INSYN2B: variants seen among roughly 807,000 people sequenced by gnomAD.
INSYN2B encodes protein INSYN2B.
In INSYN2B, 16 loss-of-function variants were observed where a neutral mutation model predicts 41.2. That is an observed-to-expected ratio of 0.39 (90% CI 0.26 to 0.59). The LOEUF (loss-of-function observed/expected upper bound fraction) is 0.59, where lower values mean the gene tolerates loss of function less well. INSYN2B is among the 20% of genes least tolerant of loss of function. The probability of loss-of-function intolerance (pLI) is 0.57; values close to 1 mark genes in which losing one functional copy is unlikely to be tolerated. For missense variants in INSYN2B, 608 were observed against 646.4 expected, an observed-to-expected ratio of 0.94 and a Z score of 0.64; for synonymous variants, 245 against 244.4, an observed-to-expected ratio of 1.00 and a Z score of -0.02.
At chr5:169,904,091 C>CAA (rs57983281) in intron 1 of INSYN2B, among the ~76,000 whole-genome samples, 19,584 of 70,016 alleles carry the variant, frequency 0.28, 3,283 homozygotes, top group African/African-American at 0.54. Flanking sequence ...GACTTCGTCT[C>CAA]AAAAAAAAAA....
chr5:169,875,646 AAC>A, intron 3 of INSYN2B: 1 of 189,492 alleles, frequency 5.3e-6, no homozygotes, highest in South Asian at 9.5e-5. Flanking sequence ...CTTCCTGAGC[AAC>A]AGTTCCTTCA....
At chr5:169,943,224 A>G (rs1029233482) in intron 1 of INSYN2B, among the ~76,000 whole-genome samples, 7 of 152,112 alleles carry the variant, frequency 4.6e-5, no homozygotes, top group Admixed American at 1.3e-4. Flanking sequence ...AATTGGATGA[A>G]TAGGTTTTAA....
At chr5:169,933,221 G>A (rs1775838355) in intron 1 of INSYN2B, among the ~76,000 whole-genome samples, 1 of 152,222 alleles carries the variant, frequency 6.6e-6, no homozygotes, top group Non-Finnish European at 1.5e-5. Context: ...TGGAAATCAG[G>A]TTCTGTTTAC....
At chr5:169,885,696 C>T (rs1772931226) in intron 1 of INSYN2B, among the ~76,000 whole-genome samples, 1 of 152,170 alleles carries the variant, frequency 6.6e-6, no homozygotes, top group Admixed American at 6.5e-5. Flanking sequence ...GTGACAGATG[C>T]TGTTCTAAGC....
chr5:169,910,412 G>A (rs780815275), intron 1 of INSYN2B, among the ~76,000 whole-genome samples: 16 of 152,156 alleles, frequency 1.1e-4, no homozygotes, highest in Non-Finnish European at 1.6e-4. Flanking sequence ...CCCCCTCAGT[G>A]CTGATTTATT....
At chr5:169,895,934 A>C (rs1046450033) in intron 1 of INSYN2B, among the ~76,000 whole-genome samples, 4 of 152,150 alleles carry the variant, frequency 2.6e-5, no homozygotes, top group African/African-American at 9.7e-5. Context: ...TCTGGCCTGG[A>C]GATGTCCCCG....
chr5:169,940,955 G>A (rs1028305048), intron 1 of INSYN2B, among the ~76,000 whole-genome samples: 7 of 152,202 alleles, frequency 4.6e-5, no homozygotes, highest in African/African-American at 1.7e-4. Flanking sequence ...TGCCGATAGT[G>A]CCATGGCTGA....
At chr5:169,876,668 G>A (rs1009313910) in intron 3 of INSYN2B, among the ~76,000 whole-genome samples, 10 of 152,156 alleles carry the variant, frequency 6.6e-5, no homozygotes, top group Non-Finnish European at 8.8e-5. Context: ...GGCAACCTAC[G>A]GGCTTACATT....
rs188669441 is a variant in INSYN2B at position 169,958,418 on chromosome 5, G to A, written c.-919+21859C>T. Among the ~76,000 whole-genome samples the A allele has an allele frequency of 3.9e-5, 6 of 152,206 alleles. No individual in the cohort carries two copies. The East Asian group carries it at 7.7e-4, about 20-fold the overall frequency. ...AGAAAATCTGCAAACTCCATCATCC[G>A]AATAACAGGGCTGATGGTTTAGAAT... On this transcript the variant is annotated intron_variant, in intron 1 of 3. Coordinates refer to ENST00000377365, the MANE Select transcript of INSYN2B (RefSeq NM_001129891.3).
chr5:169,882,967 G>T lies in INSYN2B; in HGVS notation c.932C>A (p.Ser311Tyr). Residue 311 changes from serine to tyrosine, a missense_variant, in exon 2 of 4, where the codon TCC (serine) becomes TAC (tyrosine). Ser to Tyr is a moderately radical substitution (Grantham distance 144). Coordinates refer to ENST00000377365, the MANE Select transcript of INSYN2B (RefSeq NM_001129891.3). ...CTGGCTGTGGGAGCCTTGTGAGGGG[G>T]AACTGTGAGTCCGTGGAGATGAAGG... ...CVPSSPRTHS[S>Y]PSQGSHSQPA... The T allele has an allele frequency of 1.3e-6, 2 of 1,551,624 alleles. No homozygotes were observed. Among genetic ancestry groups the T allele is most frequent in the Non-Finnish European group, 1.7e-6 (2 of 1,146,896 alleles).
chr5:169,935,320 T>C (rs899409673), intron 1 of INSYN2B, among the ~76,000 whole-genome samples: 26 of 152,316 alleles, frequency 1.7e-4, no homozygotes, highest in African/African-American at 5.8e-4. Flanking sequence ...TCATCTCCCA[T>C]GCCTGTGTAG....
chr5:169,942,448 A>G (rs1200554674), intron 1 of INSYN2B, among the ~76,000 whole-genome samples: 4 of 152,250 alleles, frequency 2.6e-5, no homozygotes, highest in African/African-American at 9.6e-5. Flanking sequence ...GCACTCGTCC[A>G]TGAGCCACAC....
At chr5:169,937,472 C>T (rs1016624649) in intron 1 of INSYN2B, among the ~76,000 whole-genome samples, 3 of 152,144 alleles carry the variant, frequency 2.0e-5, no homozygotes, top group African/African-American at 7.2e-5. Flanking sequence ...ATGCTGCACG[C>T]TTATCTGTGC....
intron 1 of INSYN2B, among the ~76,000 whole-genome samples, chr5:169,930,579 TA>T (rs1775703589): frequency 6.6e-6 from 1 of 152,212 alleles, no homozygotes; most frequent in Admixed American, 6.5e-5. Context: ...GAAAGTCCTT[TA>T]AAAATGAATG....
intron 1 of INSYN2B, among the ~76,000 whole-genome samples, chr5:169,910,417 T>A (rs954765229): frequency 4.6e-5 from 7 of 152,196 alleles, no homozygotes; most frequent in Admixed American, 2.0e-4. Flanking sequence ...TCAGTGCTGA[T>A]TTATTGCTTA....
chr5:169,934,138 G>A (rs959145779), intron 1 of INSYN2B, among the ~76,000 whole-genome samples: 2 of 152,206 alleles, frequency 1.3e-5, no homozygotes, highest in African/African-American at 4.8e-5. Context: ...GAGGCAGGGG[G>A]TTGAGTGTTC....
At chr5:169,872,495 G>T (rs896153693) in intron 3 of INSYN2B, among the ~76,000 whole-genome samples, 1 of 152,188 alleles carries the variant, frequency 6.6e-6, no homozygotes, top group African/African-American at 2.4e-5. Flanking sequence ...AAATTGGCAA[G>T]TCTACCCCTT....
At position 169,883,596 on chromosome 5, in the gene INSYN2B, G is replaced by T; in HGVS notation, c.303C>A (p.Pro101=). The T allele has an allele frequency of 1.3e-6, 2 of 1,551,654 alleles. No homozygotes were observed. The highest frequency in any genetic ancestry group is 2.4e-5 in the South Asian group (2 of 84,050). ...AAACTGGGAAATGCTTCCTGAGACT[G>T]GGGGAAGTTTGGATTGCAATGTTGC... is the stretch of plus-strand genomic sequence containing the variant. The part of the protein sequence containing the change: ...GFRNIAIQTS[P]SLRKHFPVFK... Residue 101 remains proline (P), a synonymous_variant, in exon 2 of 4, where the codon CCC becomes CCA. Transcript: ENST00000377365.
At chr5:169,932,906 C>T (rs1389975480) in intron 1 of INSYN2B, among the ~76,000 whole-genome samples, 4 of 150,662 alleles carry the variant, frequency 2.7e-5, no homozygotes, top group Non-Finnish European at 5.9e-5. Context: ...ACCAATCCTG[C>T]ATCCTCAAAC....
Sources: gnomAD v4.1 joint callset for allele counts (sites outside exome capture counted in the v4.1 genomes callset) on GRCh38, gnomAD v4.1.1 for gene constraint, MANE v1.5 for transcripts, NCBI Gene and HGNC (gene_info 2026-07-23, HGNC 2026-07-21) for gene names.